BRD10: variants seen among roughly 807,000 people sequenced by gnomAD.
The protein encoded by BRD10 is bromodomain containing 10.
At chr9:5,963,702 CAGAGATAT>C in the BRD10 span, among the ~76,000 whole-genome samples, 2 of 152,096 alleles carry the variant, frequency 1.3e-5, no homozygotes, top group Non-Finnish European at 1.5e-5. Flanking sequence ...GGTACCAAAA[CAGAGATAT>C]AGATCCATGG....
At chr9:5,911,129 C>T in the BRD10 span, among the ~76,000 whole-genome samples, 1 of 152,210 alleles carries the variant, frequency 6.6e-6, no homozygotes, top group Non-Finnish European at 1.5e-5. Flanking sequence ...CTCCAATGTC[C>T]TGGAGAGTTT....
the BRD10 span, chr9:5,969,206 G>C: frequency 1.2e-6 from 2 of 1,613,574 alleles, no homozygotes; most frequent in Non-Finnish European, 1.7e-6. Context: ...CATTATTTTC[G>C]ATAGAAAAGC....
chr9:5,917,866 G>A, the BRD10 span, among the ~76,000 whole-genome samples: 1 of 152,130 alleles, frequency 6.6e-6, no homozygotes, highest in Non-Finnish European at 1.5e-5. Flanking sequence ...AAAAGAGAGA[G>A]ATTTAGTGGT....
At chr9:5,880,736 G>A in the BRD10 span, among the ~76,000 whole-genome samples, 4 of 137,296 alleles carry the variant, frequency 2.9e-5, no homozygotes, top group Middle Eastern at 3.9e-3. Context: ...ATGAAGTCTC[G>A]CTCTGTCGCC....
the BRD10 span, chr9:5,954,124 T>C: frequency 7.8e-7 from 1 of 1,276,472 alleles, no homozygotes; most frequent in South Asian, 1.3e-5. Context: ...AAAACCTTCA[T>C]AATGCTGTTT....
the BRD10 span, chr9:5,919,635 A>T: frequency 1.3e-6 from 2 of 1,507,032 alleles, no homozygotes; most frequent in Non-Finnish European, 1.8e-6. Context: ...TTTTTATGGG[A>T]GTCAAAACAA....
At chr9:5,952,445 T>C in the BRD10 span, among the ~76,000 whole-genome samples, 1 of 152,190 alleles carries the variant, frequency 6.6e-6, no homozygotes, top group South Asian at 2.1e-4. Flanking sequence ...CACGAAACAA[T>C]ATATGTGAGT....
At chr9:5,904,633 C>T in the BRD10 span, among the ~76,000 whole-genome samples, 1 of 152,096 alleles carries the variant, frequency 6.6e-6, no homozygotes, top group East Asian at 1.9e-4. Context: ...CTACTATGCT[C>T]ATCTAATTTT....
chr9:5,889,099 A>AT, the BRD10 span, among the ~76,000 whole-genome samples: 1 of 152,220 alleles, frequency 6.6e-6, no homozygotes, highest in South Asian at 2.1e-4. Context: ...TGAAACCATT[A>AT]TATCTGAGAA....
At chr9:6,002,373 T>C in the BRD10 span, among the ~76,000 whole-genome samples, 1 of 152,292 alleles carries the variant, frequency 6.6e-6, no homozygotes, top group Non-Finnish European at 1.5e-5. Flanking sequence ...TAACATTCCA[T>C]AGGTTCTGAA....
the BRD10 span, among the ~76,000 whole-genome samples, chr9:6,008,434 G>T: frequency 1.3e-5 from 2 of 151,998 alleles, no homozygotes; most frequent in South Asian, 4.1e-4. Flanking sequence ...AAGAGCTGTG[G>T]AGAGAAGCAA....
the BRD10 span, among the ~76,000 whole-genome samples, chr9:5,931,366 T>C: frequency 6.6e-6 from 1 of 152,242 alleles, no homozygotes; most frequent in Admixed American, 6.5e-5. Flanking sequence ...TGAATTACAA[T>C]ATTAATTTTT....
the BRD10 span, among the ~76,000 whole-genome samples, chr9:5,975,335 A>C: frequency 2.1e-5 from 3 of 145,294 alleles, no homozygotes. Flanking sequence ...ACTACTTGGG[A>C]GGCTGAAGCA....
chr9:6,007,713 T>G, the BRD10 span: 9 of 1,603,652 alleles, frequency 5.6e-6, no homozygotes, highest in South Asian at 8.8e-5. Context: ...CGTCGTCCTC[T>G]CCTTCGGCCG....
At chr9:5,921,261 T>C in the BRD10 span, 5 of 1,614,016 alleles carry the variant, frequency 3.1e-6, no homozygotes, top group East Asian at 4.5e-5. Context: ...GCTTGACCTA[T>C]GTTTAGTCCA....
At chr9:5,941,272 T>C in the BRD10 span, among the ~76,000 whole-genome samples, 1 of 152,212 alleles carries the variant, frequency 6.6e-6, no homozygotes, top group Non-Finnish European at 1.5e-5. Context: ...ATAAATTTTC[T>C]ACATTAAAAC....
the BRD10 span, among the ~76,000 whole-genome samples, chr9:5,911,957 G>C: frequency 2.6e-5 from 4 of 152,114 alleles, 1 homozygote; most frequent in Admixed American, 2.6e-4. Context: ...GGATTGCATT[G>C]AATCTGCAGA....
the BRD10 span, among the ~76,000 whole-genome samples, chr9:5,999,952 GTTGT>G: frequency 6.6e-6 from 1 of 152,074 alleles, no homozygotes; most frequent in Non-Finnish European, 1.5e-5. Context: ...GGGAGGGTAT[GTTGT>G]CTGTGTTCAA....
chr9:6,004,943 A>C, the BRD10 span, among the ~76,000 whole-genome samples: 2 of 152,220 alleles, frequency 1.3e-5, no homozygotes, highest in Admixed American at 1.3e-4. Flanking sequence ...AAATACAAAA[A>C]AGCGAGGGAC....
Sources: gnomAD v4.1 joint callset for allele counts (sites outside exome capture counted in the v4.1 genomes callset) on GRCh38, gnomAD v4.1.1 for gene constraint, MANE v1.5 for transcripts, NCBI Gene and HGNC (gene_info 2026-07-23, HGNC 2026-07-21) for gene names.